The following NFIL3 variants were observed in gnomAD, a reference collection of about 807,000 sequenced individuals.
NFIL3 encodes nuclear factor, interleukin 3 regulated, also known as nuclear factor interleukin-3-regulated protein.
Under a neutral mutation model 10.0 loss-of-function variants are expected in NFIL3, and 5 were observed. The ratio of observed to expected loss-of-function variants is 0.50; its 90% CI spans 0.26 to 1.06. The LOEUF (loss-of-function observed/expected upper bound fraction) is 1.06. Ranked by LOEUF, NFIL3 falls within the 50% of genes least tolerant of loss-of-function variation. The probability of loss-of-function intolerance (pLI) is 0.13; values close to 1 mark genes in which losing one functional copy is unlikely to be tolerated. For missense variants in NFIL3, 436 were observed against 547.6 expected (o/e 0.80, Z 2.03); for synonymous variants, 202 against 206.5 (o/e 0.98, Z 0.19).
chr9:91,410,013 G>A lies in NFIL3; in HGVS notation c.722C>T (p.Ala241Val), dbSNP rs780032094. The change falls in exon 2 of 2, where the codon GCG becomes GTG. Residue 241 changes from alanine (A) to valine (V), a missense_variant. Physicochemically the swap from Ala to Val is moderately conservative, Grantham distance 64. Around this residue, in one of 3 missense-constraint regions of NFIL3, gnomAD observed 338 missense variants for 399.9 expected, o/e 0.85. Coordinates refer to ENST00000297689, the MANE Select transcript of NFIL3 (RefSeq NM_005384.3). This position sits in a 1 kb window ranked among gnomAD's most constrained non-coding sequence, Gnocchi z 5.7. ...CCCCATATAGTTTTGATAGATGGAC[G>A]CTGTGTAAGAGCCTCGGTCATCTCT... ...EPRDDRGSYT[A>V]SIYQNYMGNS... is the part of the protein sequence containing the mutation. 17 of 1,612,746 alleles carry A rather than the reference G, an allele frequency of 1.1e-5. No homozygotes were observed. Among genetic ancestry groups the A allele is most frequent in the Middle Eastern group, 1.6e-4 (1 of 6,084 alleles).
At chr9:91,461,002 C>T in the NFIL3 span, among the ~76,000 whole-genome samples, 10,322 of 152,172 alleles carry the variant, frequency 0.068, 639 homozygotes, top group East Asian at 0.17. Flanking sequence ...ATGAGTAAGA[C>T]GCTTTTGTCA....
At chr9:91,418,392 A>C (rs750808161) in intron 1 of NFIL3, among the ~76,000 whole-genome samples, 1 of 152,246 alleles carries the variant, frequency 6.6e-6, no homozygotes, top group Non-Finnish European at 1.5e-5. Context: ...AAAATTCCCC[A>C]ATGAATAAGT....
upstream of NFIL3, among the ~76,000 whole-genome samples, chr9:91,427,733 C>G (rs1833886553): frequency 6.6e-6 from 1 of 152,090 alleles, no homozygotes; most frequent in Non-Finnish European, 1.5e-5. Flanking sequence ...TTGACCCCCC[C>G]AGGCTCAAGC....
At chr9:91,456,236 T>C in the NFIL3 span, among the ~76,000 whole-genome samples, 1 of 152,190 alleles carries the variant, frequency 6.6e-6, no homozygotes. Context: ...TGTGTTTGCG[T>C]GTCTTAGGAG....
chr9:91,425,519 C>T (rs1051387273), upstream of NFIL3, among the ~76,000 whole-genome samples: 1 of 152,200 alleles, frequency 6.6e-6, no homozygotes, highest in Non-Finnish European at 1.5e-5. Context: ...TTAGCGTGTT[C>T]CCCGACACCA....
Position 91,412,234 on chromosome 9 carries a change from T to A in NFIL3, c.-172-1328A>T, listed in dbSNP as rs188670434. On this transcript the variant is annotated intron_variant, in intron 1 of 1. Transcript: ENST00000297689. ...AAGAGAATATAGTTACAGAAAAAAA[T>A]TTCTTTCATTTATATGAATTAGTTT... Among the ~76,000 whole-genome samples the A allele has an allele frequency of 1.6e-3, 236 of 151,840 alleles. 1 individual carries two copies. Among genetic ancestry groups the A allele is most frequent in the African/African-American group, 5.0e-3 (207 of 41,414 alleles).
chr9:91,412,911 C>T (rs148821069), intron 1 of NFIL3, among the ~76,000 whole-genome samples: 26 of 150,904 alleles, frequency 1.7e-4, no homozygotes, highest in Admixed American at 1.1e-3. Flanking sequence ...CTCCTTCTTA[C>T]GCCTAGTTTC....
At chr9:91,441,383 A>G in the NFIL3 span, among the ~76,000 whole-genome samples, 2 of 152,080 alleles carry the variant, frequency 1.3e-5, no homozygotes, top group Non-Finnish European at 2.9e-5. Context: ...TCTTACTTTC[A>G]GTCTATGTTT....
chr9:91,439,806 A>G, the NFIL3 span, among the ~76,000 whole-genome samples: 14 of 152,222 alleles, frequency 9.2e-5, no homozygotes, highest in Non-Finnish European at 1.6e-4. Flanking sequence ...TTAATGTAGT[A>G]TATTATATTG....
the NFIL3 span, among the ~76,000 whole-genome samples, chr9:91,480,356 C>T: frequency 2.6e-5 from 4 of 151,868 alleles, no homozygotes; most frequent in South Asian, 4.2e-4. Context: ...GCTTACAGAA[C>T]GAATCAAAGA....
At chr9:91,427,990 T>C (rs979493924), upstream of NFIL3, among the ~76,000 whole-genome samples, 125 of 152,244 alleles carry the variant, frequency 8.2e-4, 2 homozygotes, top group Admixed American at 1.3e-4. Context: ...GCTAGCATGG[T>C]AGCCTTAGTG....
upstream of NFIL3, chr9:91,426,966 A>G (rs977643783): frequency 6.6e-6 from 1 of 152,148 alleles, no homozygotes; most frequent in African/African-American, 2.4e-5. Flanking sequence ...CCACACGTGG[A>G]CTGTGGCAAA....
At chr9:91,453,326 G>A in the NFIL3 span, among the ~76,000 whole-genome samples, 1 of 152,022 alleles carries the variant, frequency 6.6e-6, no homozygotes, top group Non-Finnish European at 1.5e-5. Context: ...GTCACATTCT[G>A]AGGTACTGGC....
At chr9:91,412,513 G>A (rs1035691346) in intron 1 of NFIL3, among the ~76,000 whole-genome samples, 3 of 152,162 alleles carry the variant, frequency 2.0e-5, no homozygotes, top group South Asian at 2.1e-4. Context: ...CCATCAGCAC[G>A]ATCTGCACAC....
the NFIL3 span, among the ~76,000 whole-genome samples, chr9:91,470,663 A>G: frequency 6.6e-6 from 1 of 152,198 alleles, no homozygotes; most frequent in African/African-American, 2.4e-5. Flanking sequence ...ATTTAGTGCT[A>G]TAAATTTCCC....
chr9:91,458,622 T>C, the NFIL3 span, among the ~76,000 whole-genome samples: 10 of 152,180 alleles, frequency 6.6e-5, no homozygotes, highest in African/African-American at 2.4e-4. Context: ...TTTTCTGTTT[T>C]CTATTTCACT....
At chr9:91,481,185 G>A in the NFIL3 span, among the ~76,000 whole-genome samples, 1 of 152,270 alleles carries the variant, frequency 6.6e-6, no homozygotes, top group South Asian at 2.1e-4. Context: ...TACATTTTGT[G>A]TGTAAATCCT....
the NFIL3 span, among the ~76,000 whole-genome samples, chr9:91,439,336 A>G: frequency 1.3e-5 from 2 of 152,108 alleles, no homozygotes; most frequent in Admixed American, 1.3e-4. Flanking sequence ...TAAAAACACT[A>G]CTGATTTTTG....
At chr9:91,421,619 C>T (rs1833771017) in intron 1 of NFIL3, among the ~76,000 whole-genome samples, 1 of 152,100 alleles carries the variant, frequency 6.6e-6, no homozygotes, top group Admixed American at 6.5e-5. Context: ...CACTGGGGGC[C>T]GCACGGACTC....
Sources: gnomAD v4.1 joint callset for allele counts (sites outside exome capture counted in the v4.1 genomes callset) on GRCh38, gnomAD v4.1.1 for gene constraint, gnomAD v4.1.1 regional missense constraint, Gnocchi (gnomAD v3.1) non-coding constraint, MANE v1.5 for transcripts, NCBI Gene and HGNC (gene_info 2026-07-23, HGNC 2026-07-21) for gene names.